Variants in TRPM5 observed in about 807,000 individuals in gnomAD.
TRPM5 encodes the protein MLSN1 and TRP-related.
A neutral mutation model predicts 124.9 loss-of-function variants in TRPM5; 121 were observed. The ratio of observed to expected loss-of-function variants is 0.97; its 90% confidence interval spans 0.84 to 1.13. The LOEUF (loss-of-function observed/expected upper bound fraction) is 1.13, where lower values mean the gene tolerates loss of function less well. Ranked by LOEUF, TRPM5 falls within the 50% of genes most tolerant of loss-of-function variation. TRPM5 has a pLI of 0.00. For synonymous variants in TRPM5, 781 were observed against 700.5 expected (o/e 1.11, Z -1.81); for missense variants, 1,643 against 1,589.1 (o/e 1.03, Z -0.58).
exon 18 of TRPM5, chr11:2,411,407 C>T: frequency 6.2e-7 from 1 of 1,612,004 alleles, no homozygotes; most frequent in Admixed American, 1.7e-5. Context: ...GCCGGTAGAG[C>T]ACCCGGCGGA....
At chr11:2,414,009 G>GGGGCGCCCC in intron 12 of TRPM5, 52 bp downstream of exon 17, 2 of 1,023,734 alleles carry the variant, frequency 2.0e-6, no homozygotes, top group Middle Eastern at 3.1e-4. Context: ...GGCCCAGCTC[G>GGGGCGCCCC]CCCGCCCACC....
exon 4 of TRPM5, chr11:2,420,293 T>C (rs780829980): frequency 6.2e-7 from 1 of 1,612,514 alleles, no homozygotes; most frequent in East Asian, 2.2e-5. Flanking sequence ...CCCATCGCCC[T>C]TCCCCGGGGG....
At chr11:2,408,711 G>A (rs1004087512) in intron 18 of TRPM5, among the ~76,000 whole-genome samples, 23 of 152,246 alleles carry the variant, frequency 1.5e-4, no homozygotes, top group African/African-American at 5.1e-4. Flanking sequence ...GGGGCAGGAG[G>A]AGGGAGGAGG....
chr11:2,406,692 C>T lies in TRPM5; in HGVS notation c.3220G>A (p.Glu1074Lys), dbSNP rs1263970229. 6 of 1,613,048 alleles carry T rather than the reference C, an allele frequency of 3.7e-6. No individual in the cohort carries two copies. Among genetic ancestry groups the T allele is most frequent in the Middle Eastern group, 1.6e-4 (1 of 6,082 alleles). Residue 1074 changes from glutamate to lysine, a missense_variant, in exon 21 of 24, where the codon GAG (glutamate) becomes AAG (lysine). By Grantham distance (56) the Glu-to-Lys change is moderately conservative. Coordinates refer to ENST00000155858, the Ensembl canonical transcript of TRPM5. ...GCGGTTTTCCGCAGCACCTCCCCCT[C>T]GCTGTCCCTCCTCCGCTTCTCCATC...
intron 18 of TRPM5, among the ~76,000 whole-genome samples, chr11:2,408,658 C>G (rs892140027): frequency 6.6e-6 from 1 of 152,202 alleles, no homozygotes; most frequent in Non-Finnish European, 1.5e-5. Context: ...CTGCTTCTCC[C>G]TTGTAGGGCT....
At chr11:2,435,891 C>T in the TRPM5 span, among the ~76,000 whole-genome samples, 3 of 152,188 alleles carry the variant, frequency 2.0e-5, no homozygotes, top group African/African-American at 7.2e-5. This position sits in a 1 kb window ranked among gnomAD's most constrained non-coding sequence, Gnocchi z 4.1. Flanking sequence ...TCCAGGATGG[C>T]GAGTCAGTCT....
rs756995368 is a variant in TRPM5 at position 2,413,059 on chromosome 11, G to T, written c.2097-47C>A. On this transcript the variant is annotated intron_variant, in intron 14 of 23. Transcript: ENST00000155858. ...AGTGGTGAGGCTGGCGCCCAGCCGG[G>T]TGCCCCACCAGAGTCCAGCCTCCCA... 1.5e-5 allele frequency: 24 copies of T among 1,557,076 alleles called. No individual in the cohort carries two copies. The African/African-American group carries it at 1.9e-4, about 12-fold the overall frequency.
rs760601804 is a variant in TRPM5 at position 2,404,923 on chromosome 11, G to T, written c.*14C>A. The T allele has an allele frequency of 9.4e-6, 15 of 1,604,094 alleles. No individual in the cohort carries two copies. The South Asian group carries it at 1.5e-4, about 17-fold the overall frequency. On this transcript the variant is annotated 3_prime_UTR_variant, in exon 24 of 24. Coordinates refer to ENST00000155858, the Ensembl canonical transcript of TRPM5. Reference sequence around the variant, plus strand: ...CTGAGGAGAGGTGGCCCCACACGTGGCAGGCCAAGCAGCTCAGGTGTCCGA... The same window carrying T: ...CTGAGGAGAGGTGGCCCCACACGTGTCAGGCCAAGCAGCTCAGGTGTCCGA...
At chr11:2,415,309 G>T in exon 9 of TRPM5, 1 of 1,583,116 alleles carries the variant, frequency 6.3e-7, no homozygotes. Flanking sequence ...CGCTGCAGCA[G>T]GTCGAAGAGC....
chr11:2,435,491 C>A, the TRPM5 span, among the ~76,000 whole-genome samples: 2 of 151,984 alleles, frequency 1.3e-5, no homozygotes, highest in Non-Finnish European at 2.9e-5. This position sits in a 1 kb window ranked among gnomAD's most constrained non-coding sequence, Gnocchi z 4.1. Flanking sequence ...CCATGGCAAT[C>A]CATCCCTCCA....
exon 1 of TRPM5, chr11:2,422,998 C>G (rs772379573): frequency 6.2e-7 from 1 of 1,612,918 alleles, no homozygotes; most frequent in Non-Finnish European, 8.5e-7. Flanking sequence ...CTTCAGCATC[C>G]CCGGGGCTTC....
intron 18 of TRPM5, 53 bp downstream of exon 23, chr11:2,411,299 C>T (rs1478833944): frequency 1.3e-6 from 2 of 1,487,510 alleles, no homozygotes; most frequent in East Asian, 4.9e-5. Context: ...AGGGCTTGTG[C>T]ACACAGGGCT....
chr11:2,412,678 G>A (rs570567985), intron 15 of TRPM5, 76 bp downstream of exon 20: 7 of 1,441,040 alleles, frequency 4.9e-6, no homozygotes, highest in South Asian at 1.5e-5. Flanking sequence ...CCCACCCTGC[G>A]AGGGCAGGAC....
At chr11:2,421,963 T>A (rs1243621417) in intron 2 of TRPM5, among the ~76,000 whole-genome samples, 178 bp downstream of exon 7, 1 of 143,724 alleles carries the variant, frequency 7.0e-6, no homozygotes, top group Non-Finnish European at 1.5e-5. Flanking sequence ...GCCTGGAGAG[T>A]CAGGGGGTCT....
At chr11:2,427,714 C>T (rs2133543233), upstream of TRPM5, among the ~76,000 whole-genome samples, 1 of 152,362 alleles carries the variant, frequency 6.6e-6, no homozygotes, top group South Asian at 2.1e-4. Flanking sequence ...TTGGCGATGT[C>T]TGGCGGGGTG....
chr11:2,420,409 C>T lies in TRPM5; in HGVS notation c.466-4G>A, dbSNP rs181160070. ...GGTAGTGGACAGGAAAATCCTCCTG[C>T]GCCCATGCAGGGAGACGAGGCTGAG... On this transcript the variant is annotated splice_polypyrimidine_tract_variant and splice_region_variant and intron_variant, in intron 3 of 23. Coordinates refer to ENST00000155858, the Ensembl canonical transcript of TRPM5. 989 of 1,604,012 alleles carry T rather than the reference C, an allele frequency of 6.2e-4. No individual in the cohort carries two copies. The highest frequency in any genetic ancestry group is 7.8e-4 in the Non-Finnish European group (921 of 1,173,490).
intron 22 of TRPM5, 121 bp from the exon 28 acceptor site, chr11:2,405,714 A>G (rs1326979090): frequency 9.1e-7 from 1 of 1,103,352 alleles, no homozygotes; most frequent in African/African-American, 1.6e-5. Flanking sequence ...CCTCCCTCTG[A>G]GAGCTGCCGC....
At chr11:2,417,488 C>A (rs540362671) in intron 7 of TRPM5, among the ~76,000 whole-genome samples, 2 of 152,088 alleles carry the variant, frequency 1.3e-5, no homozygotes, top group Non-Finnish European at 2.9e-5. Flanking sequence ...CAAAAAACAA[C>A]CCCCCCACCA....
rs1018132644 is a variant in TRPM5 at position 2,418,375 on chromosome 11, G to A, written c.715-17C>T. 74 of 1,540,592 alleles carry A rather than the reference G, an allele frequency of 4.8e-5. No individual in the cohort carries two copies. The highest frequency in any genetic ancestry group is 1.8e-4 in the Middle Eastern group (1 of 5,712). On this transcript the variant is annotated splice_polypyrimidine_tract_variant and intron_variant, in intron 5 of 23. Coordinates refer to ENST00000155858, the Ensembl canonical transcript of TRPM5. ...GGAGATCCTCTGAGACGGGGAGGGAGGGGAGAGCGGACCCCAGATTAGCCC... is the reference window on the plus strand; with the variant it reads ...GGAGATCCTCTGAGACGGGGAGGGAAGGGAGAGCGGACCCCAGATTAGCCC...
Sources: allele counts gnomAD v4.1 joint callset (sites outside exome capture counted in the v4.1 genomes callset), GRCh38; gene constraint gnomAD v4.1.1; non-coding constraint Gnocchi (gnomAD v3.1); transcripts MANE v1.5; gene names NCBI Gene and HGNC (gene_info 2026-07-23, HGNC 2026-07-21).